Variants in WNT2 observed in about 807,000 individuals in gnomAD.
WNT2 encodes the protein protein Wnt-2.
A neutral mutation model predicts 36.9 loss-of-function variants in WNT2; 12 were observed. That is an observed-to-expected ratio of 0.33 (90% CI 0.21 to 0.53). The LOEUF (loss-of-function observed/expected upper bound fraction) is 0.53, where lower values mean the gene tolerates loss of function less well. Among genes scored for constraint, WNT2 ranks in the 20% least tolerant of loss-of-function variants. WNT2 has a pLI of 0.95. For synonymous variants in WNT2, 163 were observed against 174.6 expected (o/e 0.93, Z 0.52); for missense variants, 379 against 473.1 (o/e 0.80, Z 1.84).
At position 117,276,399 on chromosome 7, in the gene WNT2, G is replaced by A. The variant is rs1231114654; in HGVS notation, c.*1756C>T. On this transcript the variant is annotated 3_prime_UTR_variant, in exon 5 of 5. Coordinates refer to ENST00000265441, the MANE Select transcript of WNT2 (RefSeq NM_003391.3). ...TCACACCAAGCTCAGAGCAGCTACT[G>A]TCATTCCACTGTTCCCACCATCCGA... 6.6e-6 allele frequency among the ~76,000 whole-genome samples: 1 copy of A among 152,232 alleles called. No homozygotes were observed. Among genetic ancestry groups the A allele is most frequent in the African/African-American group, 2.4e-5 (1 of 41,468 alleles).
intron 3 of WNT2, among the ~76,000 whole-genome samples, chr7:117,304,032 T>C (rs1794966566): frequency 6.6e-6 from 1 of 152,158 alleles, no homozygotes. Context: ...AGATGCCATG[T>C]TTTCTCTTTT....
chr7:117,308,960 G>A lies in WNT2; in HGVS notation c.588+6111C>T, dbSNP rs557158940. On this transcript the variant is annotated intron_variant, in intron 3 of 4. Coordinates refer to ENST00000265441, the MANE Select transcript of WNT2 (RefSeq NM_003391.3). Reference sequence around the variant, plus strand: ...GTACTTTGGGAGGCCATGGCAGGAGGATCACTTGGGCCCAGGAGTTTCAGA... The same window carrying A: ...GTACTTTGGGAGGCCATGGCAGGAGAATCACTTGGGCCCAGGAGTTTCAGA... Among the ~76,000 whole-genome samples the A allele has an allele frequency of 2.0e-5, 3 of 151,886 alleles. No individual in the cohort carries two copies. The South Asian group carries it at 6.2e-4, about 32-fold the overall frequency.
chr7:117,321,564 C>T (rs1000323884), intron 1 of WNT2, among the ~76,000 whole-genome samples: 1 of 152,158 alleles, frequency 6.6e-6, no homozygotes, highest in Admixed American at 6.5e-5. Context: ...TAGAAAGGTA[C>T]CTTTTATATA....
chr7:117,278,144 G>A lies in WNT2; in HGVS notation c.*11C>T, dbSNP rs777334012. ...TGTAGAAGGGAAGGTGGATGGTGAC[G>A]CCTGCTGGGGTCATGTAGCGGTTGT... On this transcript the variant is annotated 3_prime_UTR_variant, in exon 5 of 5. Transcript: ENST00000265441. The A allele has an allele frequency of 9.9e-6, 16 of 1,613,688 alleles. No homozygotes were observed. Among genetic ancestry groups the A allele is most frequent in the East Asian group, 2.2e-5 (1 of 44,884 alleles).
chr7:117,299,573 G>C (rs1281470553), intron 3 of WNT2, among the ~76,000 whole-genome samples: 1 of 151,210 alleles, frequency 6.6e-6, no homozygotes, highest in Non-Finnish European at 1.5e-5. Flanking sequence ...GCTCACTGCG[G>C]CCTTGAACTC....
rs971597631 is a variant in WNT2, at chr7:117,322,014, G to A, written c.83+893C>T. 1 of 152,110 alleles carries A rather than the reference G, an allele frequency of 6.6e-6. No homozygotes were observed. Among genetic ancestry groups the A allele is most frequent in the Non-Finnish European group, 1.5e-5 (1 of 68,032 alleles). 9.4% of individuals were successfully genotyped at this position (152,110 alleles called of 1,614,324 possible). A position where few individuals can be genotyped will look rare whatever the true frequency, so the allele number is the denominator to read the frequency against. ...TTTAAAAATTAGCCCACGATAACGG[G>A]TGTCTCTGAATCAATATTTTAATAT... is the stretch of plus-strand genomic sequence containing the variant. On this transcript the variant is annotated intron_variant, in intron 1 of 4. Coordinates refer to ENST00000265441, the MANE Select transcript of WNT2 (RefSeq NM_003391.3). The surrounding 1 kb of genome is among the most constrained non-coding windows in gnomAD (Gnocchi z 5.4).
In WNT2 at chr7:117,297,933, A is replaced by G. The variant is rs1270083093; in HGVS notation, c.589-57T>C. 4 of 1,548,120 alleles carry G rather than the reference A, an allele frequency of 2.6e-6. No individual in the cohort carries two copies. The East Asian group carries it at 9.1e-5, about 35-fold the overall frequency. The stretch of plus-strand genomic sequence containing the variant: ...GGTTCGAGCAGGTGACACATGCTCC[A>G]ACTCTCCTTACCTCCCAGCAATCCA... On this transcript the variant is annotated intron_variant, in intron 3 of 4. Transcript: ENST00000265441.
In WNT2 at chr7:117,320,569, C is replaced by T. The variant is rs780168813; in HGVS notation, c.308G>A (p.Arg103Gln). The change falls in exon 2 of 5, where the codon CGA becomes CAA. Residue 103 changes from arginine (R) to glutamine (Q), a missense_variant and splice_region_variant. Physicochemically the swap from Arg to Gln is conservative, Grantham distance 43. Coordinates refer to ENST00000265441, the MANE Select transcript of WNT2 (RefSeq NM_003391.3). ...DHSLFGRVLL[R>Q]SSRESAFVYA... ...CTGGGTGAAGGCAGGAGACTTACTT[C>T]GGAGTAGGACCCTGCCAAAAAGGCT... The T allele has an allele frequency of 9.9e-6, 16 of 1,612,592 alleles. No homozygotes were observed. The highest frequency in any genetic ancestry group is 1.2e-5 in the Non-Finnish European group (14 of 1,179,386).
chr7:117,309,329 C>A (rs1295022117), intron 3 of WNT2, among the ~76,000 whole-genome samples: 1 of 152,152 alleles, frequency 6.6e-6, no homozygotes, highest in Admixed American at 6.5e-5. Context: ...TCTGTCCCAG[C>A]GCCCAGGTAG....
At position 117,277,580 on chromosome 7, in the gene WNT2, T is replaced by C. The variant is rs186774233; in HGVS notation, c.*575A>G. ...AATACACATTTTAAACTTAAAAGGG[T>C]ATTGAAAGCCATTCTTCTCCAGGTA... On this transcript the variant is annotated 3_prime_UTR_variant, in exon 5 of 5. Coordinates refer to ENST00000265441, the MANE Select transcript of WNT2 (RefSeq NM_003391.3). 6.5e-6 allele frequency: 1 copy of C among 154,820 alleles called. No individual in the cohort carries two copies. Among genetic ancestry groups the C allele is most frequent in the East Asian group, 1.9e-4 (1 of 5,204 alleles). 9.6% of individuals were successfully genotyped at this position (154,820 alleles called of 1,614,324 possible). A position where few individuals can be genotyped will look rare whatever the true frequency, so the allele number is the denominator to read the frequency against.
At chr7:117,291,681 A>G (rs947364165) in intron 4 of WNT2, among the ~76,000 whole-genome samples, 2 of 152,134 alleles carry the variant, frequency 1.3e-5, no homozygotes, top group Non-Finnish European at 2.9e-5. Context: ...ACCTCAGAGC[A>G]CTCACTTTCT....
At position 117,297,629 on chromosome 7, in the gene WNT2, A is replaced by G; in HGVS notation, c.836T>C (p.Ile279Thr). ...VYFENSPDYC[I>T]RDREAGSLGT... ...GAACTTACCTGCCTCTCGGTCCCTG[A>G]TACAGTAGTCTGGAGAATTCTCAAA... The change falls in exon 4 of 5, where the codon ATC becomes ACC. Residue 279 changes from isoleucine to threonine, a missense_variant. Coordinates refer to ENST00000265441, the MANE Select transcript of WNT2 (RefSeq NM_003391.3). 1.9e-6 allele frequency: 3 copies of G among 1,612,672 alleles called. No individual in the cohort carries two copies. Among genetic ancestry groups the G allele is most frequent in the South Asian group, 2.2e-5 (2 of 91,066 alleles).
Position 117,320,570 on chromosome 7 carries a change from G to A in WNT2, c.307C>T (p.Arg103Ter), listed in dbSNP as rs1399950382. 6.2e-7 allele frequency: 1 copy of A among 1,612,812 alleles called. No individual in the cohort carries two copies. Among genetic ancestry groups the A allele is most frequent in the Non-Finnish European group, 8.5e-7 (1 of 1,179,476 alleles). Reference sequence around the variant, plus strand: ...TGGGTGAAGGCAGGAGACTTACTTCGGAGTAGGACCCTGCCAAAAAGGCTG... The same window carrying A: ...TGGGTGAAGGCAGGAGACTTACTTCAGAGTAGGACCCTGCCAAAAAGGCTG... ...DHSLFGRVLL[R>*]SSRESAFVYA... The change falls in exon 2 of 5, where the codon CGA becomes TGA. Residue 103 changes from arginine to a stop codon, truncating the protein, a stop_gained. Transcript: ENST00000265441. LOFTEE classifies it high-confidence loss of function.
Position 117,297,461 on chromosome 7 carries a change from C to T in WNT2, c.853+151G>A, listed in dbSNP as rs146014365. On this transcript the variant is annotated intron_variant, in intron 4 of 4. Transcript: ENST00000265441. ...CTGGGATTACAGGCATGAGCCACCGCGCCCAGCCCTGTACAGTTTCAATAA... is the reference window on the plus strand; with the variant it reads ...CTGGGATTACAGGCATGAGCCACCGTGCCCAGCCCTGTACAGTTTCAATAA... 5.4e-4 allele frequency: 545 copies of T among 1,000,170 alleles called. No homozygotes were observed. The African/African-American group carries it at 7.3e-3, about 13-fold the overall frequency. 62.0% of individuals were successfully genotyped at this position (1,000,170 alleles called of 1,614,324 possible). A position where few individuals can be genotyped will look rare whatever the true frequency, so the allele number is the denominator to read the frequency against.
At chr7:117,304,769 C>T (rs539049354) in intron 3 of WNT2, among the ~76,000 whole-genome samples, 37 of 152,238 alleles carry the variant, frequency 2.4e-4, no homozygotes, top group Admixed American at 1.3e-3. Flanking sequence ...TCTAATTAGC[C>T]GGTTGCCAAA....
At chr7:117,285,420 T>C (rs1322843885) in intron 4 of WNT2, among the ~76,000 whole-genome samples, 1 of 152,220 alleles carries the variant, frequency 6.6e-6, no homozygotes, top group African/African-American at 2.4e-5. Context: ...ACCTTCTGGT[T>C]CAGAGAAGCC....
At chr7:117,320,518 C>T (rs1795302430) in intron 2 of WNT2, 49 bp downstream of exon 2, 3 of 1,526,936 alleles carry the variant, frequency 2.0e-6, no homozygotes, top group Non-Finnish European at 2.7e-6. Flanking sequence ...AGTGAGGGAG[C>T]TGTGCATGAG....
rs1157328388 is a variant in WNT2, at chr7:117,297,471, T to C, written c.853+141A>G. On this transcript the variant is annotated intron_variant, in intron 4 of 4. Transcript: ENST00000265441. The stretch of plus-strand genomic sequence containing the variant: ...AGGCATGAGCCACCGCGCCCAGCCC[T>C]GTACAGTTTCAATAAGAATGATAAG... 5 of 1,151,802 alleles carry C rather than the reference T, an allele frequency of 4.3e-6. No individual in the cohort carries two copies. In the African/African-American group the frequency reaches 7.8e-5, roughly 18 times the overall value. The allele number at this position is 1,151,802 out of a possible 1,614,324, so 71.3% of individuals were successfully genotyped here.
chr7:117,302,142 AC>A (rs1419933485), intron 3 of WNT2, among the ~76,000 whole-genome samples: 2 of 152,050 alleles, frequency 1.3e-5, no homozygotes, highest in African/African-American at 4.8e-5. Flanking sequence ...AATATTACAT[AC>A]CTGTTATAAT....
Sources: allele counts gnomAD v4.1 joint callset (sites outside exome capture counted in the v4.1 genomes callset), GRCh38; gene constraint gnomAD v4.1.1; non-coding constraint Gnocchi (gnomAD v3.1); transcripts MANE v1.5; gene names NCBI Gene and HGNC (gene_info 2026-07-23, HGNC 2026-07-21).